Variants in DNAH7 observed in about 807,000 individuals in gnomAD.
DNAH7 encodes the protein axonemal beta dynein heavy chain 7.
A neutral mutation model predicts 444.6 loss-of-function variants in DNAH7; 397 were observed. The observed-to-expected ratio is 0.89, with a 90% CI of 0.82 to 0.97. The LOEUF (loss-of-function observed/expected upper bound fraction) is 0.97, where lower values mean the gene tolerates loss of function less well. Among genes scored for constraint, DNAH7 ranks in the 50% least tolerant of loss-of-function variants. DNAH7 has a pLI of 0.00. For missense variants in DNAH7, 4,902 were observed against 4,800.8 expected (o/e 1.02, Z -0.62); for synonymous variants, 1,636 against 1,624.4 (o/e 1.01, Z -0.17).
Position 195,799,427 on chromosome 2 carries a change from C to A in DNAH7, c.10222G>T (p.Ala3408Ser). 6.2e-7 allele frequency: 1 copy of A among 1,608,706 alleles called. No individual in the cohort carries two copies. Among genetic ancestry groups the A allele is most frequent in the Non-Finnish European group, 8.5e-7 (1 of 1,177,542 alleles). ...QEFIINRLGR[A>S]FIEPPPFDLA... ...TCAAAGGGGGGTGGTTCAATGAATGCACGTCCCAATCTGTTGATTATAAAT... is the reference window on the plus strand; with the variant it reads ...TCAAAGGGGGGTGGTTCAATGAATGAACGTCCCAATCTGTTGATTATAAAT... Residue 3408 changes from alanine to serine, a missense_variant, in exon 55 of 65, where the codon GCA becomes TCA. Ala to Ser is a moderately conservative substitution (Grantham distance 99, BLOSUM62 1). Coordinates refer to ENST00000312428, the MANE Select transcript of DNAH7 (RefSeq NM_018897.3).
chr2:195,778,618 G>GGAAAAAAAAAAAA (rs1365539221), intron 58 of DNAH7, among the ~76,000 whole-genome samples: 1 of 21,790 alleles, frequency 4.6e-5, no homozygotes, highest in African/African-American at 2.0e-4. Flanking sequence ...GACCCTGTCT[G>GGAAAAAAAAAAAA]AAAAAAAAAA....
chr2:195,867,232 A>G (rs1365906220), intron 40 of DNAH7, among the ~76,000 whole-genome samples: 3 of 152,090 alleles, frequency 2.0e-5, no homozygotes, highest in Non-Finnish European at 4.4e-5. Flanking sequence ...AAGCTCCCTC[A>G]TGCTCACTAC....
At chr2:196,024,984 T>A (rs1695594501) in intron 7 of DNAH7, among the ~76,000 whole-genome samples, 1 of 152,084 alleles carries the variant, frequency 6.6e-6, no homozygotes, top group Admixed American at 6.6e-5. Context: ...ATAAAAATGA[T>A]ACAAATAAAA....
At chr2:195,968,732 T>C (rs1691648309) in intron 17 of DNAH7, among the ~76,000 whole-genome samples, 1 of 152,204 alleles carries the variant, frequency 6.6e-6, no homozygotes, top group South Asian at 2.1e-4. Context: ...GACTGTCTTT[T>C]AAATTCACTT....
intron 58 of DNAH7, among the ~76,000 whole-genome samples, chr2:195,784,914 T>C (rs1344891260): frequency 2.4e-4 from 7 of 28,778 alleles, no homozygotes; most frequent in Admixed American, 5.7e-4. Context: ...CTTTGACCCT[T>C]TTTTTTTTTT....
At position 195,876,561 on chromosome 2, in the gene DNAH7, G is replaced by A; in HGVS notation, c.6100C>T (p.Pro2034Ser). 1 of 1,613,794 alleles carries A rather than the reference G, an allele frequency of 6.2e-7. No individual in the cohort carries two copies. Among genetic ancestry groups the A allele is most frequent in the African/African-American group, 1.3e-5 (1 of 75,008 alleles). Residue 2034 changes from proline to serine, a missense_variant, in exon 37 of 65, where the codon CCT becomes TCT. Transcript: ENST00000312428. Reference protein sequence around the residue: ...DKRRKGVFGPPLGKRMVVFVD... With the variant: ...DKRRKGVFGPSLGKRMVVFVD... ...GTCATTACCATTCTCTTGCCCAAAG[G>A]AGGACCAAAAACTCCCTTTCTTCTC...
intron 49 of DNAH7, among the ~76,000 whole-genome samples, chr2:195,822,667 G>C (rs1382161001): frequency 2.6e-5 from 4 of 152,074 alleles, no homozygotes; most frequent in African/African-American, 7.2e-5. Flanking sequence ...TTTTGATACT[G>C]AATCATAGGT....
intron 5 of DNAH7, among the ~76,000 whole-genome samples, chr2:196,047,108 C>T (rs908121154): frequency 6.6e-6 from 1 of 152,160 alleles, no homozygotes; most frequent in African/African-American, 2.4e-5. Context: ...ATAATAAGAA[C>T]TCCCAGAAAT....
chr2:195,896,202 G>A (rs1233075115), intron 29 of DNAH7, among the ~76,000 whole-genome samples: 1 of 152,168 alleles, frequency 6.6e-6, no homozygotes, highest in Non-Finnish European at 1.5e-5. Context: ...TATTAGGTAT[G>A]ATCCATCTTT....
intron 57 of DNAH7, among the ~76,000 whole-genome samples, chr2:195,789,185 G>A (rs1695761498): frequency 1.3e-5 from 2 of 151,576 alleles, no homozygotes; most frequent in African/African-American, 4.8e-5. Context: ...TTTTTAATAT[G>A]GAACCTATAC....
chr2:195,902,938 G>A (rs1314385715), intron 27 of DNAH7: 1 of 152,138 alleles, frequency 6.6e-6, no homozygotes, highest in African/African-American at 2.4e-5. Flanking sequence ...ATAGCAGTAA[G>A]TTTGAAGATA....
intron 54 of DNAH7, among the ~76,000 whole-genome samples, chr2:195,801,991 G>T (rs1216196492): frequency 6.6e-6 from 1 of 152,078 alleles, no homozygotes; most frequent in Non-Finnish European, 1.5e-5. Flanking sequence ...CTACCTATGA[G>T]GATGACATAT....
chr2:195,738,331 T>C (rs1251836280), intron 64 of DNAH7, among the ~76,000 whole-genome samples: 1 of 152,230 alleles, frequency 6.6e-6, no homozygotes, highest in South Asian at 2.1e-4. Context: ...TCGCCTTCTC[T>C]TTCTAAAAGC....
At chr2:195,760,193 A>G (rs887743468) in intron 61 of DNAH7, among the ~76,000 whole-genome samples, 7 of 152,160 alleles carry the variant, frequency 4.6e-5, no homozygotes, top group Non-Finnish European at 7.3e-5. Flanking sequence ...GGGAAAGAAG[A>G]TAACACAACT....
At chr2:196,049,674 T>C (rs1308709541) in intron 3 of DNAH7, among the ~76,000 whole-genome samples, 1 of 152,204 alleles carries the variant, frequency 6.6e-6, no homozygotes, top group African/African-American at 2.4e-5. Flanking sequence ...ACTCAAAGAA[T>C]GCTGAGGAAA....
chr2:195,853,667 G>A, intron 45 of DNAH7, 139 bp from the exon 46 acceptor site: 4 of 787,062 alleles, frequency 5.1e-6, no homozygotes, highest in East Asian at 2.8e-5. Context: ...CTATGATATA[G>A]GAAAGTCCAT....
chr2:195,866,763 T>G (rs1197120353), intron 40 of DNAH7, among the ~76,000 whole-genome samples: 1 of 152,234 alleles, frequency 6.6e-6, no homozygotes, highest in East Asian at 1.9e-4. Flanking sequence ...TTCTTTTTCC[T>G]TATTTAAGGT....
intron 47 of DNAH7, among the ~76,000 whole-genome samples, chr2:195,839,459 A>C (rs1023717379): frequency 6.6e-6 from 1 of 151,788 alleles, no homozygotes; most frequent in African/African-American, 2.4e-5. Flanking sequence ...AGGAAACCAG[A>C]GACATAAAAG....
chr2:195,781,020 A>G (rs1210646061), intron 58 of DNAH7, among the ~76,000 whole-genome samples: 2 of 152,096 alleles, frequency 1.3e-5, no homozygotes, highest in African/African-American at 4.8e-5. Flanking sequence ...TATTTGGTAG[A>G]ACTAGAACTT....
Sources: allele counts gnomAD v4.1 joint callset (sites outside exome capture counted in the v4.1 genomes callset), GRCh38; gene constraint gnomAD v4.1.1; transcripts MANE v1.5; gene names NCBI Gene and HGNC (gene_info 2026-07-23, HGNC 2026-07-21).